PKIG: variants seen among roughly 807,000 people sequenced by gnomAD.
PKIG encodes protein kinase (cAMP-dependent, catalytic) inhibitor gamma.
Under a neutral mutation model 6.8 loss-of-function variants are expected in PKIG, and 1 was observed. The ratio of observed to expected loss-of-function variants is 0.15; its 90% CI spans 0.05 to 0.69. PKIG has a LOEUF of 0.69. Ranked by LOEUF, PKIG falls within the 30% of genes least tolerant of loss-of-function variation. PKIG has a pLI of 0.82. For missense variants in PKIG, 77 were observed against 104.0 expected, an observed-to-expected ratio of 0.74 and a Z score of 1.13; for synonymous variants, 39 against 43.0, an observed-to-expected ratio of 0.91 and a Z score of 0.36.
rs570043231 is a variant in PKIG at position 44,577,234 on chromosome 20, C to T, written c.-240-5351C>T. Among the ~76,000 whole-genome samples, 12 of 152,148 alleles carry T rather than the reference C, an allele frequency of 7.9e-5. No individual in the cohort carries two copies. The East Asian group carries it at 1.7e-3, about 22-fold the overall frequency. On this transcript the variant is annotated intron_variant, in intron 1 of 4. Coordinates refer to the PKIG transcript ENST00000372887. ...AAGCAATTCTCCTGCCTCAGCCTCC[C>T]GAGTAGCTGGGAGCCTCCTGAGTAG... is the stretch of plus-strand genomic sequence containing the variant.
At chr20:44,582,461 A>C (rs2064956560), upstream of PKIG, 1 of 152,354 alleles carries the variant, frequency 6.6e-6, no homozygotes, top group African/African-American at 2.4e-5. Context: ...GAGAGGTGGA[A>C]ACTGAGTGAG....
At chr20:44,571,433 A>C (rs1030013532) in intron 1 of PKIG, among the ~76,000 whole-genome samples, 1 of 152,160 alleles carries the variant, frequency 6.6e-6, no homozygotes, top group Admixed American at 6.5e-5. Context: ...AAAATGTGTA[A>C]GTCCCTTTTA....
intron 1 of PKIG, among the ~76,000 whole-genome samples, chr20:44,554,493 T>A (rs2064696457): frequency 6.6e-6 from 1 of 152,124 alleles, no homozygotes. Flanking sequence ...AACTTGGTAG[T>A]CAGAGCAAGG....
intron 1 of PKIG, among the ~76,000 whole-genome samples, chr20:44,566,088 C>T (rs535760226): frequency 1.3e-5 from 2 of 152,200 alleles, no homozygotes; most frequent in African/African-American, 4.8e-5. Context: ...AAAACTCTTA[C>T]AACATTGCAT....
intron 1 of PKIG, among the ~76,000 whole-genome samples, chr20:44,540,316 G>A (rs577653677): frequency 1.3e-5 from 2 of 152,172 alleles, no homozygotes; most frequent in African/African-American, 2.4e-5. Flanking sequence ...TCCCAGTCAA[G>A]GATTCATTTA....
chr20:44,586,077 G>A (rs992856204), intron 1 of PKIG, among the ~76,000 whole-genome samples: 1 of 152,158 alleles, frequency 6.6e-6, no homozygotes, highest in Non-Finnish European at 1.5e-5. Context: ...ATTGGAAGGG[G>A]ATAGCAGGTA....
intron 1 of PKIG, among the ~76,000 whole-genome samples, chr20:44,572,653 T>C (rs2064863755): frequency 6.6e-6 from 1 of 152,176 alleles, no homozygotes; most frequent in African/African-American, 2.4e-5. Context: ...CATCCAAATA[T>C]GTGCAGATTG....
At position 44,614,788 on chromosome 20, in the gene PKIG, T is replaced by TG; in HGVS notation, c.151+82dup. On this transcript the variant is annotated intron_variant, in intron 3 of 3. Coordinates refer to ENST00000372886, the MANE Select transcript of PKIG (RefSeq NM_001281445.2). The surrounding 1 kb of genome is among the most constrained non-coding windows in gnomAD (Gnocchi z 4.6). ...CCGGGCTAGCCTCCAAGTCCTAGAC[T>TG]GCCCATACTTTCTTAGAGAAGAAAC... 7.0e-7 allele frequency: 1 copy of TG among 1,420,082 alleles called. No homozygotes were observed. Among genetic ancestry groups the TG allele is most frequent in the Non-Finnish European group, 9.7e-7 (1 of 1,031,722 alleles). The allele number at this position is 1,420,082 out of a possible 1,614,324, so 88.0% of individuals were successfully genotyped here.
intron 2 of PKIG, among the ~76,000 whole-genome samples, chr20:44,610,690 G>A (rs2065210523): frequency 6.6e-6 from 1 of 152,094 alleles, no homozygotes; most frequent in Admixed American, 6.5e-5. Context: ...TAATCACAAA[G>A]AACCACAGTT....
chr20:44,609,423 C>T (rs1261127682), intron 2 of PKIG, among the ~76,000 whole-genome samples: 2 of 152,224 alleles, frequency 1.3e-5, no homozygotes, highest in African/African-American at 4.8e-5. Context: ...ACCTGCACAG[C>T]ACTCCACGGT....
At chr20:44,543,923 G>A (rs543721726) in intron 1 of PKIG, among the ~76,000 whole-genome samples, 1 of 152,218 alleles carries the variant, frequency 6.6e-6, no homozygotes, top group South Asian at 2.1e-4. Flanking sequence ...AATTAGCCGT[G>A]TGTGATGGTA....
chr20:44,612,184 C>A (rs1160451220), intron 2 of PKIG, among the ~76,000 whole-genome samples: 1 of 152,128 alleles, frequency 6.6e-6, no homozygotes, highest in Non-Finnish European at 1.5e-5. Flanking sequence ...TCTCAGGAAC[C>A]CTCCATACTG....
intron 1 of PKIG, among the ~76,000 whole-genome samples, chr20:44,575,920 C>G (rs976506789): frequency 6.6e-6 from 1 of 152,128 alleles, no homozygotes; most frequent in African/African-American, 2.4e-5. Flanking sequence ...TCCCTGGGGT[C>G]CCACACCATT....
intron 1 of PKIG, among the ~76,000 whole-genome samples, chr20:44,587,761 T>G (rs531110904): frequency 1.3e-5 from 2 of 152,316 alleles, no homozygotes; most frequent in South Asian, 4.1e-4. Context: ...TACCGCTGTA[T>G]TTCAAGTTTA....
At chr20:44,557,400 C>T (rs2064722264) in intron 1 of PKIG, among the ~76,000 whole-genome samples, 1 of 151,720 alleles carries the variant, frequency 6.6e-6, no homozygotes, top group African/African-American at 2.4e-5. Flanking sequence ...GTGGCGAGCG[C>T]CTGTAGTCCC....
intron 1 of PKIG, among the ~76,000 whole-genome samples, chr20:44,560,113 GGT>G (rs2064753982): frequency 1.3e-5 from 2 of 151,928 alleles, no homozygotes; most frequent in Admixed American, 6.6e-5. Flanking sequence ...AGCTGGGCAT[GGT>G]GTTGCACACC....
chr20:44,613,771 G>A (rs756887034), intron 2 of PKIG, among the ~76,000 whole-genome samples: 10 of 152,062 alleles, frequency 6.6e-5, no homozygotes, highest in Non-Finnish European at 1.3e-4. Flanking sequence ...TGCTGTGCCC[G>A]GCCGCCACAG....
rs112128849 is a variant in PKIG, at chr20:44,588,062, C to T, written c.-93-1735C>T. On this transcript the variant is annotated intron_variant, in intron 1 of 3. Transcript: ENST00000372886. Reference sequence around the variant, plus strand: ...ACATGAACACATTGTGAAAATGTGCCCCAAGATGGGGACAGAGTCCTGTAG... The same window carrying T: ...ACATGAACACATTGTGAAAATGTGCTCCAAGATGGGGACAGAGTCCTGTAG... 4.4e-3 allele frequency among the ~76,000 whole-genome samples: 676 copies of T among 152,194 alleles called. 5 individuals carry two copies. The highest frequency in any genetic ancestry group is 0.015 in the African/African-American group (635 of 41,514).
At position 44,549,733 on chromosome 20, in the gene PKIG, G is replaced by A. The variant is rs956421766; in HGVS notation, c.-241+17755G>A. The stretch of plus-strand genomic sequence containing the variant: ...TCAGCTACTTGGGAGGCTGAGGTGC[G>A]AAGATGGCTTGAGCCCGGGAGGTAG... On this transcript the variant is annotated intron_variant, in intron 1 of 4. Coordinates refer to the PKIG transcript ENST00000372887. Among the ~76,000 whole-genome samples, 7 of 152,150 alleles carry A rather than the reference G, an allele frequency of 4.6e-5. No individual in the cohort carries two copies. In the East Asian group the frequency reaches 1.2e-3, roughly 25 times the overall value.
Sources: gnomAD v4.1 joint callset for allele counts (sites outside exome capture counted in the v4.1 genomes callset) on GRCh38, gnomAD v4.1.1 for gene constraint, Gnocchi (gnomAD v3.1) non-coding constraint, MANE v1.5 for transcripts, NCBI Gene and HGNC (gene_info 2026-07-23, HGNC 2026-07-21) for gene names.